Variants in SLC9B1 observed in about 807,000 individuals in gnomAD.
SLC9B1 encodes the protein solute carrier family 9 member B1, also known as sodium/hydrogen exchanger 9B1.
Under a neutral mutation model 51.7 loss-of-function variants are expected in SLC9B1, and 32 were observed. The ratio of observed to expected loss-of-function variants is 0.62; its 90% confidence interval spans 0.47 to 0.83. The LOEUF (loss-of-function observed/expected upper bound fraction) is 0.83. Ranked by LOEUF, SLC9B1 falls within the 40% of genes least tolerant of loss-of-function variation. The pLI, the probability that SLC9B1 is intolerant of heterozygous loss-of-function variation, is 0.00. For synonymous variants in SLC9B1, 145 were observed against 212.7 expected, an observed-to-expected ratio of 0.68 and a Z score of 2.77; for missense variants, 406 against 613.2, an observed-to-expected ratio of 0.66 and a Z score of 3.57.
chr4:102,938,814 A>G (rs1282954174), intron 6 of SLC9B1, among the ~76,000 whole-genome samples: 1 of 152,134 alleles, frequency 6.6e-6, no homozygotes, highest in Non-Finnish European at 1.5e-5. Flanking sequence ...AAACCAATAA[A>G]TTCTTTATAA....
At chr4:102,941,178 T>C (rs1428343868) in intron 6 of SLC9B1, among the ~76,000 whole-genome samples, 1 of 152,142 alleles carries the variant, frequency 6.6e-6, no homozygotes, top group African/African-American at 2.4e-5. Context: ...ACTAAAGGGC[T>C]TCTGCACAGC....
chr4:102,919,677 C>T (rs1447031410), intron 7 of SLC9B1, among the ~76,000 whole-genome samples: 3 of 152,196 alleles, frequency 2.0e-5, no homozygotes, highest in African/African-American at 7.2e-5. Context: ...TGACAGACTA[C>T]CTGGAAAAAC....
intron 3 of SLC9B1, among the ~76,000 whole-genome samples, chr4:102,982,726 A>G (rs1434224987): frequency 2.0e-5 from 3 of 152,108 alleles, no homozygotes; most frequent in African/African-American, 7.2e-5. Flanking sequence ...ACTTTTGTAT[A>G]TTAATCTTGT....
rs566907553 is a variant in SLC9B1, at chr4:102,963,221, T to A, written c.212-13794A>T. 143 of 343,398 alleles carry A rather than the reference T, an allele frequency of 4.2e-4. 1 individual carries two copies. The highest frequency in any genetic ancestry group is 3.0e-3 in the South Asian group (131 of 42,964). 21.3% of individuals were successfully genotyped at this position (343,398 alleles called of 1,614,324 possible). A position where few individuals can be genotyped will look rare whatever the true frequency, so the allele number is the denominator to read the frequency against. On this transcript the variant is annotated intron_variant, in intron 3 of 11. Transcript: ENST00000296422. ...AATGCCTTATGGTTTGGAAGCTTAA[T>A]GATAGCCTCAACTCTGGAGTTATTT...
chr4:102,928,035 T>C (rs966735667), intron 7 of SLC9B1, among the ~76,000 whole-genome samples: 55 of 151,634 alleles, frequency 3.6e-4, no homozygotes, highest in Non-Finnish European at 1.5e-4. Context: ...ATGAGATCAC[T>C]TGGACACAGG....
At chr4:102,979,898 GA>G (rs1473652372) in intron 3 of SLC9B1, among the ~76,000 whole-genome samples, 1 of 150,896 alleles carries the variant, frequency 6.6e-6, no homozygotes, top group Non-Finnish European at 1.5e-5. Context: ...AAATTTACAA[GA>G]AAAAAAACAA....
intron 3 of SLC9B1, among the ~76,000 whole-genome samples, chr4:102,970,550 C>T (rs1449103010): frequency 6.6e-6 from 1 of 152,122 alleles, no homozygotes. Flanking sequence ...ATTATAAAGA[C>T]CATCGATCCT....
At chr4:102,925,067 AG>A (rs1736088203) in intron 7 of SLC9B1, among the ~76,000 whole-genome samples, 1 of 152,188 alleles carries the variant, frequency 6.6e-6, no homozygotes, top group Admixed American at 6.5e-5. Flanking sequence ...ATATACCCAA[AG>A]GATTATGAAT....
chr4:102,910,954 T>C (rs1465834218), intron 8 of SLC9B1, among the ~76,000 whole-genome samples: 1 of 152,224 alleles, frequency 6.6e-6, no homozygotes, highest in Admixed American at 6.5e-5. Context: ...CAGCTAAATT[T>C]GGATGGAAAT....
At chr4:103,018,855 G>T (rs1741565068) in intron 1 of SLC9B1, among the ~76,000 whole-genome samples, 1 of 152,206 alleles carries the variant, frequency 6.6e-6, no homozygotes, top group Non-Finnish European at 1.5e-5. Flanking sequence ...CACAGCAGGT[G>T]AGCAGGGCTA....
chr4:102,944,359 C>A (rs1408603147), intron 6 of SLC9B1, among the ~76,000 whole-genome samples: 2 of 152,112 alleles, frequency 1.3e-5, no homozygotes, highest in Non-Finnish European at 2.9e-5. Flanking sequence ...CAAGCCTGCT[C>A]ATGTACCCCT....
At chr4:102,914,229 GGA>G (rs1466472880) in intron 7 of SLC9B1, among the ~76,000 whole-genome samples, 34 of 34,608 alleles carry the variant, frequency 9.8e-4, no homozygotes, top group East Asian at 2.5e-3. Flanking sequence ...TGGGTGCACT[GGA>G]TGAATCAGCC....
rs760208609 is a variant in SLC9B1, at chr4:102,946,677, T to G, written c.495A>C (p.Leu165=). Residue 165 remains leucine, a synonymous_variant, in exon 5 of 12, where the codon CTA becomes CTC. Coordinates refer to ENST00000296422, the MANE Select transcript of SLC9B1 (RefSeq NM_139173.4). ...GATCGAGTCCAAGCCCAGCTCTTATTAGAATAATGGTAAGGGCAATGCTTC... is the reference window on the plus strand; with the variant it reads ...GATCGAGTCCAAGCCCAGCTCTTATGAGAATAATGGTAAGGGCAATGCTTC... ...ILRSIALTII[L]IRAGLGLDPQ... The G allele has an allele frequency of 6.2e-7, 1 of 1,609,640 alleles. No individual in the cohort carries two copies. The highest frequency in any genetic ancestry group is 2.2e-5 in the East Asian group (1 of 44,806).
chr4:102,942,988 C>A (rs191650477), intron 6 of SLC9B1, among the ~76,000 whole-genome samples: 26 of 151,714 alleles, frequency 1.7e-4, no homozygotes, highest in South Asian at 2.1e-4. Context: ...CAAGAAAAAA[C>A]CAAATTATCC....
intron 3 of SLC9B1, among the ~76,000 whole-genome samples, chr4:102,956,337 TC>T (rs1311470819): frequency 6.7e-6 from 1 of 149,122 alleles, no homozygotes; most frequent in Non-Finnish European, 1.5e-5. Context: ...AAAAGACTGA[TC>T]CTGGAAAGGA....
chr4:102,981,441 G>C (rs925430742), intron 3 of SLC9B1, among the ~76,000 whole-genome samples: 2 of 152,104 alleles, frequency 1.3e-5, no homozygotes, highest in Non-Finnish European at 2.9e-5. Flanking sequence ...ATCATCCAAA[G>C]GGGCTGTACA....
chr4:103,019,081 G>A (rs918026852), intron 1 of SLC9B1, among the ~76,000 whole-genome samples: 2 of 152,132 alleles, frequency 1.3e-5, no homozygotes, highest in African/African-American at 4.8e-5. Context: ...GTGCCAAAAA[G>A]GTTGGGGACT....
At position 103,003,360 on chromosome 4, in the gene SLC9B1, T is replaced by C. The variant is rs561293988; in HGVS notation, c.-1-11648A>G. Among the ~76,000 whole-genome samples the C allele has an allele frequency of 6.0e-4, 91 of 152,338 alleles. 1 individual carries two copies. The highest frequency in any genetic ancestry group is 1.5e-3 in the African/African-American group (64 of 41,572). On this transcript the variant is annotated intron_variant, in intron 1 of 11. Transcript: ENST00000296422. ...TTCATCCCCTCCAATTATTCTTCAC[T>C]TTCATCAGGATGTGCAGTGTAATGA...
downstream of SLC9B1, among the ~76,000 whole-genome samples, chr4:102,900,429 A>T (rs79081810): frequency 8.0e-6 from 1 of 125,296 alleles, no homozygotes; most frequent in African/African-American, 2.9e-5. Context: ...ATTTTAAAAT[A>T]CTAATTGAAA....
Sources: gnomAD v4.1 joint callset for allele counts (sites outside exome capture counted in the v4.1 genomes callset) on GRCh38, gnomAD v4.1.1 for gene constraint, MANE v1.5 for transcripts, NCBI Gene and HGNC (gene_info 2026-07-23, HGNC 2026-07-21) for gene names.